Variants in FASN observed in about 807,000 individuals in gnomAD.
FASN encodes 3-hydroxyacyl-[acyl-carrier-protein] dehydratase.
FASN carries 50 observed loss-of-function variants against 250.0 expected under a neutral mutation model. That is an observed-to-expected ratio of 0.20 (90% CI 0.16 to 0.25). FASN has a LOEUF of 0.25. FASN is among the 10% of genes least tolerant of loss of function. FASN has a pLI of 1.00. For missense variants in FASN, 3,031 were observed against 3,498.5 expected (o/e 0.87, Z 3.37); for synonymous variants, 1,909 against 1,584.0 (o/e 1.21, Z -4.87).
Position 82,080,873 on chromosome 17 carries a change from A to G in FASN, c.6645T>C (p.Thr2215=). The G allele has an allele frequency of 6.2e-7, 1 of 1,611,366 alleles. No homozygotes were observed. The highest frequency in any genetic ancestry group is 8.5e-7 in the Non-Finnish European group (1 of 1,179,546). Residue 2215 remains threonine (T), a synonymous_variant, in exon 39 of 43, where the codon ACT becomes ACC. Coordinates refer to ENST00000306749, the MANE Select transcript of FASN (RefSeq NM_004104.5). The stretch of plus-strand genomic sequence containing the variant: ...CCAGCAGGGAGCGCAGGTTCAGCTG[A>G]GTCTGCTGCTGGGCCAGACCATCCT... ...PKEDGLAQQQ[T]QLNLRSLLVN... is the part of the protein sequence containing the mutation.
chr17:82,083,914 C>A, intron 29 of FASN, 23 bp from the exon 30 acceptor site: 1 of 1,555,320 alleles, frequency 6.4e-7, no homozygotes, highest in Non-Finnish European at 8.7e-7. Flanking sequence ...GGAAGCGCGG[C>A]TGGTGAGCCA....
intron 37 of FASN, 116 bp from the exon 38 acceptor site, chr17:82,081,468 C>CCAA: frequency 1.3e-6 from 2 of 1,578,236 alleles, no homozygotes; most frequent in Non-Finnish European, 1.7e-6. Context: ...ACCACCACCA[C>CCAA]AGTGACACCT....
intron 3 of FASN, among the ~76,000 whole-genome samples, chr17:82,094,801 TAAATAAAAATAA>T (rs1302779943): frequency 6.7e-6 from 1 of 149,080 alleles, no homozygotes; most frequent in Non-Finnish European, 1.5e-5. Context: ...AATAAATAAA[TAAATAAAAATAA>T]AAATAAAAAA....
At chr17:82,091,812 G>C in intron 8 of FASN, 128 bp from the exon 9 acceptor site, 1 of 833,972 alleles carries the variant, frequency 1.2e-6, no homozygotes, top group Non-Finnish European at 1.8e-6. Flanking sequence ...TGCACTTCCT[G>C]TCCCCAACCT....
chr17:82,095,470 G>A lies in FASN; in HGVS notation c.130C>T (p.Leu44Phe), dbSNP rs754256372. The A allele has an allele frequency of 1.3e-5, 21 of 1,612,006 alleles. No individual in the cohort carries two copies. Among genetic ancestry groups the A allele is most frequent in the Non-Finnish European group, 1.8e-5 (21 of 1,180,006 alleles). Reference protein sequence around the residue: ...TDDDRRWKAGLYGLPRRSGKL... With the variant: ...TDDDRRWKAGFYGLPRRSGKL... The stretch of plus-strand genomic sequence containing the variant: ...CCGGACCGCCGGGGCAGGCCGTAGA[G>A]CCCTGTGGGACAGGCGGGTGTTTAA... Residue 44 changes from leucine (L) to phenylalanine (F), a missense_variant and splice_region_variant, in exon 3 of 43, where the codon CTC (leucine) becomes TTC (phenylalanine). Physicochemically the swap from Leu to Phe is conservative, Grantham distance 22. Transcript: ENST00000306749.
rs917285771 is a variant in FASN, at chr17:82,079,155, C to G, written c.7524G>C (p.Val2508=). ...HSSLAEPRVS[V]REG The stretch of plus-strand genomic sequence containing the variant: ...CGGGGGCACGGGCCTAGCCCTCCCG[C>G]ACGCTCACGCGTGGCTCAGCCAGGG... Residue 2508 remains valine (V), a synonymous_variant, in exon 43 of 43, where the codon GTG becomes GTC. Coordinates refer to ENST00000306749, the MANE Select transcript of FASN (RefSeq NM_004104.5). The G allele has an allele frequency of 6.2e-7, 1 of 1,612,048 alleles. No individual in the cohort carries two copies. The highest frequency in any genetic ancestry group is 8.5e-7 in the Non-Finnish European group (1 of 1,179,916).
In FASN at chr17:82,082,012, G is replaced by A. The variant is rs2144782637; in HGVS notation, c.6160C>T (p.Pro2054Ser). The change falls in exon 36 of 43, where the codon CCA becomes TCA. Residue 2054 changes from proline (P) to serine (S), a missense_variant. Physicochemically the swap from Pro to Ser is moderately conservative, Grantham distance 74. Coordinates refer to ENST00000306749, the MANE Select transcript of FASN (RefSeq NM_004104.5). ...ICEKRRHEGL[P>S]GLAVQWGAIG... ...GAGGGGAGAGGGTGGGGCCCACCTG[G>A]GAGGCCTTCGTGCCGGCGTTTCTCA... The A allele has an allele frequency of 1.2e-6, 2 of 1,607,860 alleles. No homozygotes were observed. Among genetic ancestry groups the A allele is most frequent in the East Asian group, 2.2e-5 (1 of 44,866 alleles).
Position 82,084,369 on chromosome 17 carries a change from T to C in FASN, c.4784A>G (p.Gln1595Arg). The change falls in exon 28 of 43, where the codon CAG becomes CGG. Residue 1595 changes from glutamine to arginine, a missense_variant. Transcript: ENST00000306749. ...PDAIPGKWTSQDSLLGMEFSG... is the reference protein window; with the variant it reads ...PDAIPGKWTSRDSLLGMEFSG... ...GAACTCCATACCTAGCAGGCTGTCC[T>C]GGGAGGTCCACTTCCCTGGGGGAGA... The C allele has an allele frequency of 6.2e-7, 1 of 1,607,262 alleles. No homozygotes were observed. Among genetic ancestry groups the C allele is most frequent in the Non-Finnish European group, 8.5e-7 (1 of 1,177,610 alleles).
chr17:82,087,547 C>T (rs1353535830), intron 19 of FASN, 43 bp from the exon 20 acceptor site: 4 of 1,608,250 alleles, frequency 2.5e-6, no homozygotes, highest in Non-Finnish European at 2.5e-6. Context: ...TCCCAGGTCC[C>T]TGGGGCCACC....
At chr17:82,089,599 G>A (rs762025968) in intron 12 of FASN, 33 bp downstream of exon 12, 4 of 1,567,860 alleles carry the variant, frequency 2.6e-6, no homozygotes, top group African/African-American at 2.7e-5. Context: ...AGGCGCAGGG[G>A]ACAGAGGAGC....
rs2033936216 is a variant in FASN at position 82,078,881 on chromosome 17, G to C, written c.*262C>G. The C allele has an allele frequency of 3.5e-6, 2 of 579,082 alleles. No homozygotes were observed. Among genetic ancestry groups the C allele is most frequent in the Admixed American group, 3.0e-5 (1 of 33,012 alleles). 35.9% of individuals were successfully genotyped at this position (579,082 alleles called of 1,614,324 possible). The stretch of plus-strand genomic sequence containing the variant: ...CCACGGGCGCACGAGGCCCAGCCCA[G>C]TTCCTGCGGGCACGGGCACCACCGG... On this transcript the variant is annotated 3_prime_UTR_variant, in exon 43 of 43. Transcript: ENST00000306749. This position sits in a 1 kb window ranked among gnomAD's most constrained non-coding sequence, Gnocchi z 5.4.
At chr17:82,086,931 G>A in intron 21 of FASN, 119 bp downstream of exon 21, 1 of 1,132,450 alleles carries the variant, frequency 8.8e-7, no homozygotes, top group Non-Finnish European at 1.3e-6. Context: ...GGAGGGTTGG[G>A]CTAGGGTTGC....
chr17:82,078,375 G>A lies in FASN; in HGVS notation c.*768C>T, dbSNP rs920031059. On this transcript the variant is annotated 3_prime_UTR_variant, in exon 43 of 43. Coordinates refer to ENST00000306749, the MANE Select transcript of FASN (RefSeq NM_004104.5). The surrounding 1 kb of genome is among the most constrained non-coding windows in gnomAD (Gnocchi z 5.4). ...GCGGTTTAATTGTGGGAGGCTGAGA[G>A]CAGCATTTTTACCAAATTGGTGTAA... 6.6e-6 allele frequency: 1 copy of A among 152,354 alleles called. No homozygotes were observed. Among genetic ancestry groups the A allele is most frequent in the Non-Finnish European group, 1.5e-5 (1 of 68,114 alleles). The allele number at this position is 152,354 out of a possible 1,614,324, so 9.4% of individuals were successfully genotyped here. A position where few individuals can be genotyped will look rare whatever the true frequency, so the allele number is the denominator to read the frequency against.
At position 82,080,003 on chromosome 17, in the gene FASN, C is replaced by A. The variant is rs534808224; in HGVS notation, c.7146+137G>T. 3.1e-5 allele frequency: 30 copies of A among 972,344 alleles called. No individual in the cohort carries two copies. In the African/African-American group the frequency reaches 4.0e-4, roughly 13 times the overall value. 60.2% of individuals were successfully genotyped at this position (972,344 alleles called of 1,614,324 possible). On this transcript the variant is annotated intron_variant, in intron 41 of 42. Coordinates refer to ENST00000306749, the MANE Select transcript of FASN (RefSeq NM_004104.5). ...GATTACAGGCATGAGCAACCGCATC[C>A]GGCCGGGATCGGCTATTAAAGGGGT... is the stretch of plus-strand genomic sequence containing the variant.
chr17:82,085,634 C>A lies in FASN; in HGVS notation c.3970G>T (p.Asp1324Tyr). The A allele has an allele frequency of 6.3e-7, 1 of 1,596,282 alleles. No individual in the cohort carries two copies. Among genetic ancestry groups the A allele is most frequent in the South Asian group, 1.1e-5 (1 of 88,428 alleles). Reference sequence around the variant, plus strand: ...ATGTTGCTGAGAGCTGAGGCCGGGTCCCCGAGGGCAGCCACAGCACAGTTG... The same window carrying A: ...ATGTTGCTGAGAGCTGAGGCCGGGTACCCGAGGGCAGCCACAGCACAGTTG... ...VCNCAVAALG[D>Y]PASALSNMVA... is the part of the protein sequence containing the mutation. Residue 1324 changes from aspartate (D) to tyrosine (Y), a missense_variant, in exon 23 of 43, where the codon GAC (aspartate) becomes TAC (tyrosine). Asp to Tyr is a radical substitution (Grantham distance 160). Coordinates refer to ENST00000306749, the MANE Select transcript of FASN (RefSeq NM_004104.5).
In FASN at chr17:82,083,644, G is replaced by C. The variant is rs372761394; in HGVS notation, c.5219-5C>G. On this transcript the variant is annotated splice_polypyrimidine_tract_variant and splice_region_variant and intron_variant, in intron 30 of 42. Transcript: ENST00000306749. ...AGTTCAAGACCAGGTCAACGCCTAG[G>C]GGGCCAGAGGGGCCAGACAATCACA... 18 of 1,603,854 alleles carry C rather than the reference G, an allele frequency of 1.1e-5. No individual in the cohort carries two copies. The South Asian group carries it at 1.9e-4, about 17-fold the overall frequency.
chr17:82,097,189 AC>A (rs2034318527), intron 1 of FASN: 3 of 154,296 alleles, frequency 1.9e-5, no homozygotes, highest in African/African-American at 7.2e-5. Context: ...TGGCCAGGAC[AC>A]GCAGGTGTTG....
intron 3 of FASN, among the ~76,000 whole-genome samples, 175 bp downstream of exon 3, chr17:82,095,145 G>A (rs1449550740): frequency 6.6e-6 from 1 of 152,236 alleles, no homozygotes; most frequent in Non-Finnish European, 1.5e-5. Context: ...TTGGGAAACT[G>A]CGGCCTACCC....
rs2034010415 is a variant in FASN at position 82,082,595 on chromosome 17, C to T, written c.5851G>A (p.Gly1951Arg). 1 of 1,610,522 alleles carries T rather than the reference C, an allele frequency of 6.2e-7. No homozygotes were observed. The highest frequency in any genetic ancestry group is 8.5e-7 in the Non-Finnish European group (1 of 1,179,898). Residue 1951 changes from glycine to arginine, a missense_variant, in exon 34 of 43, where the codon GGG (glycine) becomes AGG (arginine). Physicochemically the swap from Gly to Arg is moderately radical, Grantham distance 125. Transcript: ENST00000306749. ...VSTSNISSLEGARGLIAEAAQ... is the reference protein window; with the variant it reads ...VSTSNISSLERARGLIAEAAQ... ...GCCTCGGCAATGAGGCCCCGGGCCC[C>T]CTCCAGTGAGCTGATGTTGCTGGTG...
Sources: gnomAD v4.1 joint callset for allele counts (sites outside exome capture counted in the v4.1 genomes callset) on GRCh38, gnomAD v4.1.1 for gene constraint, Gnocchi (gnomAD v3.1) non-coding constraint, MANE v1.5 for transcripts, NCBI Gene and HGNC (gene_info 2026-07-23, HGNC 2026-07-21) for gene names.